TADA2A: variants seen among roughly 807,000 people sequenced by gnomAD.
TADA2A encodes transcriptional adapter 2-alpha.
TADA2A carries 38 observed loss-of-function variants against 67.4 expected under a neutral mutation model. The observed-to-expected ratio is 0.56, with a 90% confidence interval of 0.44 to 0.74. TADA2A has a LOEUF of 0.74. Among genes scored for constraint, TADA2A ranks in the 30% least tolerant of loss-of-function variants. The pLI, the probability that TADA2A is intolerant of heterozygous loss-of-function variation, is 0.00. For missense variants in TADA2A, 454 were observed against 547.0 expected, an observed-to-expected ratio of 0.83 and a Z score of 1.70; for synonymous variants, 192 against 181.6, an observed-to-expected ratio of 1.06 and a Z score of -0.46.
chr17:37,422,461 G>A (rs1051003317), intron 2 of TADA2A, among the ~76,000 whole-genome samples: 1 of 139,654 alleles, frequency 7.2e-6, no homozygotes, highest in African/African-American at 2.6e-5. Flanking sequence ...GATTACAGGC[G>A]TGAGCCACCA....
intron 4 of TADA2A, among the ~76,000 whole-genome samples, chr17:37,427,294 T>C (rs921782634): frequency 3.3e-5 from 5 of 152,244 alleles, no homozygotes; most frequent in African/African-American, 1.2e-4. Flanking sequence ...ATACTTTTGA[T>C]ATGAGGATAA....
At chr17:37,457,355 A>AT (rs2053423154) in intron 8 of TADA2A, among the ~76,000 whole-genome samples, 1 of 149,934 alleles carries the variant, frequency 6.7e-6, no homozygotes, top group African/African-American at 2.5e-5. Flanking sequence ...CAATATTTGT[A>AT]TTTTTAGTAA....
rs189897380 is a variant in TADA2A, at chr17:37,415,354, A to G, written c.25+3964A>G. On this transcript the variant is annotated intron_variant, in intron 2 of 15. Transcript: ENST00000615182. ...TCCTCATTCTGTTTTTTATAGTTGCATAATACTTCATTGTGTGGATATGTT... is the reference window on the plus strand; with the variant it reads ...TCCTCATTCTGTTTTTTATAGTTGCGTAATACTTCATTGTGTGGATATGTT... Among the ~76,000 whole-genome samples, 8 of 152,288 alleles carry G rather than the reference A, an allele frequency of 5.3e-5. No individual in the cohort carries two copies. The East Asian group carries it at 1.5e-3, about 29-fold the overall frequency.
At chr17:37,426,893 C>T (rs374983596) in intron 3 of TADA2A, 57 bp from the exon 4 acceptor site, 3 of 1,490,430 alleles carry the variant, frequency 2.0e-6, no homozygotes, top group Non-Finnish European at 2.7e-6. Flanking sequence ...ATAACACAAA[C>T]CTCCTCTGTC....
chr17:37,444,728 A>C lies in TADA2A; in HGVS notation c.564A>C (p.Arg188Ser). The change falls in exon 8 of 16, where the codon AGA becomes AGC. Residue 188 changes from arginine (R) to serine (S), a missense_variant. Arg to Ser is a moderately radical substitution (Grantham distance 110). This residue lies in a region of TADA2A where 403 missense variants were observed against 455.5 expected (regional missense o/e 0.88). Coordinates refer to ENST00000615182, the MANE Select transcript of TADA2A (RefSeq NM_001166105.3). ...EFDNYAEWDL[R>S]DIDFVEDDSD... is the part of the protein sequence containing the mutation. ...ACAATTATGCAGAATGGGACTTGAG[A>C]GACATTGATTTTGTTGAAGATGACT... The C allele has an allele frequency of 6.2e-7, 1 of 1,614,076 alleles. No homozygotes were observed. The highest frequency in any genetic ancestry group is 8.5e-7 in the Non-Finnish European group (1 of 1,180,010).
chr17:37,444,803 C>T (rs370974998), intron 8 of TADA2A, 35 bp downstream of exon 8: 38 of 1,584,888 alleles, frequency 2.4e-5, no homozygotes, highest in Non-Finnish European at 3.0e-5. Context: ...TTATCGAGCG[C>T]CAACTGTGTG....
chr17:37,426,663 CAGAAAAAAAAA>C (rs901382474), intron 3 of TADA2A: 2 of 97,680 alleles, frequency 2.0e-5, no homozygotes, highest in Admixed American at 1.6e-4. Flanking sequence ...GACTCCGTCT[CAGAAAAAAAAA>C]AAAAAAAAAA....
intron 10 of TADA2A, among the ~76,000 whole-genome samples, chr17:37,464,575 C>A (rs898422036): frequency 6.6e-5 from 10 of 152,066 alleles, no homozygotes; most frequent in African/African-American, 2.4e-4. Context: ...CGCGGTGGCT[C>A]ACACCTGTAA....
intron 4 of TADA2A, among the ~76,000 whole-genome samples, chr17:37,432,017 C>T (rs2052582868): frequency 6.6e-6 from 1 of 152,066 alleles, no homozygotes; most frequent in Non-Finnish European, 1.5e-5. Flanking sequence ...AACCCTGCTG[C>T]CTTTTTTACC....
Position 37,458,641 on chromosome 17 carries a change from G to T in TADA2A, c.668+54G>T, listed in dbSNP as rs940066790. On this transcript the variant is annotated intron_variant, in intron 9 of 15. Transcript: ENST00000615182. ...TTTCAGCTTTGGATTATTGTTTTGTGTGTGTGTGTGTGTGTGTGTGTGTGT... is the reference window on the plus strand; with the variant it reads ...TTTCAGCTTTGGATTATTGTTTTGTTTGTGTGTGTGTGTGTGTGTGTGTGT... 6.3e-3 allele frequency: 2,042 copies of T among 322,680 alleles called. 21 individuals carry two copies. The African/African-American group carries it at 0.095, about 15-fold the overall frequency. 20.0% of individuals were successfully genotyped at this position (322,680 alleles called of 1,614,324 possible).
intron 15 of TADA2A, among the ~76,000 whole-genome samples, chr17:37,475,060 A>G (rs1262733544): frequency 1.3e-5 from 2 of 152,214 alleles, no homozygotes; most frequent in Non-Finnish European, 2.9e-5. Context: ...TATTTAAAAC[A>G]TTTTTGTAAA....
At chr17:37,461,919 G>A (rs2053555455) in intron 9 of TADA2A, 159 bp from the exon 10 acceptor site, 2 of 575,894 alleles carry the variant, frequency 3.5e-6, no homozygotes. Flanking sequence ...TTGGGTTAGT[G>A]ATTCACTGAC....
intron 4 of TADA2A, among the ~76,000 whole-genome samples, chr17:37,433,622 G>T (rs2052635265): frequency 6.6e-6 from 1 of 151,928 alleles, no homozygotes; most frequent in African/African-American, 2.4e-5. Flanking sequence ...TCACACCAGT[G>T]CACTCCAGCC....
Position 37,476,807 on chromosome 17 carries a change from T to A in TADA2A, c.1157T>A (p.Met386Lys). 1 of 1,608,752 alleles carries A rather than the reference T, an allele frequency of 6.2e-7. No individual in the cohort carries two copies. The highest frequency in any genetic ancestry group is 8.5e-7 in the Non-Finnish European group (1 of 1,176,110). The change falls in exon 16 of 16, where the codon ATG (methionine) becomes AAG (lysine). Residue 386 changes from methionine to lysine, a missense_variant. This residue lies in a region of TADA2A where 51 missense variants were observed against 91.5 expected (regional missense o/e 0.56). Coordinates refer to ENST00000615182, the MANE Select transcript of TADA2A (RefSeq NM_001166105.3). ...TGCCGTGTCTTGCAGCTCTGTCAGATGGTGAGGTTGGTCCCTGGAGCCTAT... is the reference window on the plus strand; with the variant it reads ...TGCCGTGTCTTGCAGCTCTGTCAGAAGGTGAGGTTGGTCCCTGGAGCCTAT... ...LNEKEKELCQ[M>K]VRLVPGAYLE...
chr17:37,407,424 A>G (rs993122237), intron 1 of TADA2A: 1 of 152,202 alleles, frequency 6.6e-6, no homozygotes, highest in Non-Finnish European at 1.5e-5. Flanking sequence ...TGGCTCCACA[A>G]CTCGGGAGCC....
At chr17:37,466,696 G>A (rs1335454099) in intron 11 of TADA2A, among the ~76,000 whole-genome samples, 2 of 152,192 alleles carry the variant, frequency 1.3e-5, no homozygotes, top group East Asian at 3.9e-4. Context: ...TTTACTTCCT[G>A]TCCCAGTTTG....
chr17:37,458,812 G>A (rs2053471703), intron 9 of TADA2A, among the ~76,000 whole-genome samples: 1 of 152,082 alleles, frequency 6.6e-6, no homozygotes, highest in African/African-American at 2.4e-5. Flanking sequence ...GAGCATGTGG[G>A]ACTACAGCAG....
At chr17:37,473,127 A>ATTTTT (rs1020173351) in intron 14 of TADA2A, among the ~76,000 whole-genome samples, 19 of 85,646 alleles carry the variant, frequency 2.2e-4, no homozygotes, top group Non-Finnish European at 3.5e-4. Context: ...ACCTGGAGAA[A>ATTTTT]TTTTTTTTTT....
rs1338295734 is a variant in TADA2A, at chr17:37,406,939, G to T, written c.-108G>T. On this transcript the variant is annotated 5_prime_UTR_variant, in exon 1 of 16. Transcript: ENST00000615182. ...GCGGCTCTTTGGCGCGGATTAGGGG[G>T]TCTCGGCGAGGTGAGGCGCCAGGCA... 1.4e-5 allele frequency: 2 copies of T among 139,846 alleles called. No individual in the cohort carries two copies. The highest frequency in any genetic ancestry group is 5.2e-5 in the African/African-American group (2 of 38,372). The allele number at this position is 139,846 out of a possible 1,614,324, so 8.7% of individuals were successfully genotyped here. A position where few individuals can be genotyped will look rare whatever the true frequency, so the allele number is the denominator to read the frequency against.
Sources: allele counts gnomAD v4.1 joint callset (sites outside exome capture counted in the v4.1 genomes callset), GRCh38; gene constraint gnomAD v4.1.1; regional missense constraint gnomAD v4.1.1; transcripts MANE v1.5; gene names NCBI Gene and HGNC (gene_info 2026-07-23, HGNC 2026-07-21).